CDH12: variants seen among roughly 807,000 people sequenced by gnomAD.
CDH12 encodes the protein cadherin-12.
CDH12 carries 41 observed loss-of-function variants against 74.1 expected under a neutral mutation model. The ratio of observed to expected loss-of-function variants is 0.55; its 90% CI spans 0.43 to 0.72. CDH12 has a LOEUF of 0.72. Ranked by LOEUF, CDH12 falls within the 30% of genes least tolerant of loss-of-function variation. The pLI is 0.00. For missense variants in CDH12, 945 were observed against 977.2 expected, an observed-to-expected ratio of 0.97 and a Z score of 0.44; for synonymous variants, 399 against 355.0, an observed-to-expected ratio of 1.12 and a Z score of -1.39.
chr5:22,188,954 G>C (rs768155663), intron 4 of CDH12, among the ~76,000 whole-genome samples: 7 of 152,150 alleles, frequency 4.6e-5, no homozygotes, highest in Admixed American at 3.3e-4. Context: ...GAACTAACAG[G>C]GTTTCTTATT....
chr5:22,471,712 C>T (rs1745966733), intron 2 of CDH12, among the ~76,000 whole-genome samples: 1 of 152,154 alleles, frequency 6.6e-6, no homozygotes, highest in South Asian at 2.1e-4. Context: ...GCTACCAGTT[C>T]TCAGTCTTTG....
chr5:22,323,993 A>T (rs1202145511), intron 3 of CDH12, among the ~76,000 whole-genome samples: 1 of 152,204 alleles, frequency 6.6e-6, no homozygotes, highest in Non-Finnish European at 1.5e-5. Context: ...TTAATAATTT[A>T]GCTCCATTGG....
chr5:22,027,828 G>C (rs1318012166), intron 5 of CDH12, among the ~76,000 whole-genome samples: 1 of 152,026 alleles, frequency 6.6e-6, no homozygotes, highest in Non-Finnish European at 1.5e-5. Context: ...GTTCTGCTCT[G>C]ATTTTAGTTA....
chr5:22,804,425 C>G (rs1048106732), intron 1 of CDH12, among the ~76,000 whole-genome samples: 22 of 151,900 alleles, frequency 1.4e-4, no homozygotes, highest in African/African-American at 4.1e-4. Context: ...ATGGAATTGG[C>G]TTATGTGAAT....
At chr5:22,084,715 C>T (rs1742955306) in intron 4 of CDH12, among the ~76,000 whole-genome samples, 1 of 152,054 alleles carries the variant, frequency 6.6e-6, no homozygotes, top group African/African-American at 2.4e-5. Flanking sequence ...CCAGCAGATC[C>T]CAGACTCTGG....
intron 13 of CDH12, among the ~76,000 whole-genome samples, chr5:21,759,735 G>A (rs1460791331): frequency 6.6e-6 from 1 of 151,722 alleles, no homozygotes; most frequent in South Asian, 2.1e-4. Flanking sequence ...GTGTTACATA[G>A]GTAAACACGT....
chr5:22,480,133 A>AT, intron 2 of CDH12, among the ~76,000 whole-genome samples: 1 of 152,318 alleles, frequency 6.6e-6, no homozygotes, highest in South Asian at 2.1e-4. Flanking sequence ...CATGGCAGAT[A>AT]TTAGACTTAA....
chr5:22,729,897 C>T (rs141817422), intron 1 of CDH12, among the ~76,000 whole-genome samples: 6 of 151,700 alleles, frequency 4.0e-5, no homozygotes, highest in African/African-American at 1.5e-4. Context: ...GTGACATTAC[C>T]TACCATATTG....
At chr5:21,902,690 G>A (rs778823716) in intron 6 of CDH12, among the ~76,000 whole-genome samples, 14 of 152,094 alleles carry the variant, frequency 9.2e-5, no homozygotes, top group Non-Finnish European at 1.5e-4. Flanking sequence ...ATAACCACAT[G>A]TGGCTATTTA....
chr5:21,759,316 A>G lies in CDH12; in HGVS notation c.1633+1242T>C, dbSNP rs187537407. Among the ~76,000 whole-genome samples the G allele has an allele frequency of 2.8e-4, 42 of 152,066 alleles. 1 individual carries two copies. The highest frequency in any genetic ancestry group is 2.1e-3 in the Admixed American group (32 of 15,252). ...AATGTGTAAAGACAAATTTTACACA[A>G]ATTTATTTTTAAAGAGTTTCATTCT... On this transcript the variant is annotated intron_variant, in intron 13 of 14. Coordinates refer to ENST00000382254, the MANE Select transcript of CDH12 (RefSeq NM_004061.5).
intron 1 of CDH12, among the ~76,000 whole-genome samples, chr5:22,628,879 A>G (rs1299106919): frequency 1.3e-5 from 2 of 151,976 alleles, no homozygotes; most frequent in Non-Finnish European, 2.9e-5. Flanking sequence ...AAGAGAGAAT[A>G]TCCAAATGAA....
At position 22,181,265 on chromosome 5, in the gene CDH12, C is replaced by CT. The variant is rs997340819; in HGVS notation, c.-187+31232dup. ...AACAAATCTAATAAACATTAGTAAG[C>CT]TTTTTTTTTGCATTCATATTCCTAG... On this transcript the variant is annotated intron_variant, in intron 4 of 14. Transcript: ENST00000382254. Among the ~76,000 whole-genome samples the CT allele has an allele frequency of 1.1e-4, 16 of 151,096 alleles. No homozygotes were observed. In the East Asian group the frequency reaches 1.2e-3, roughly 11 times the overall value.
chr5:21,809,531 G>T (rs1409996575), intron 9 of CDH12, among the ~76,000 whole-genome samples: 1 of 152,120 alleles, frequency 6.6e-6, no homozygotes, highest in East Asian at 1.9e-4. Flanking sequence ...ACAGCAAGCT[G>T]TGTGACTTTG....
chr5:22,716,654 T>C (rs547030033), intron 1 of CDH12, among the ~76,000 whole-genome samples: 1 of 151,614 alleles, frequency 6.6e-6, no homozygotes, highest in East Asian at 1.9e-4. Context: ...CTCAGGTCCT[T>C]CGGGAGGTAT....
In CDH12 at chr5:22,626,058, C is replaced by G. The variant is rs534690045; in HGVS notation, c.-522-120694G>C. Among the ~76,000 whole-genome samples the G allele has an allele frequency of 3.2e-4, 49 of 152,190 alleles. 1 individual carries two copies. The highest frequency in any genetic ancestry group is 2.0e-3 in the Admixed American group (31 of 15,282). On this transcript the variant is annotated intron_variant, in intron 1 of 14. Coordinates refer to ENST00000382254, the MANE Select transcript of CDH12 (RefSeq NM_004061.5). Reference sequence around the variant, plus strand: ...ATGTCACCACCACCAGCATGCTAACCCCATGGAGGCACAGGCAGCCAGCCA... The same window carrying G: ...ATGTCACCACCACCAGCATGCTAACGCCATGGAGGCACAGGCAGCCAGCCA...
At chr5:22,840,470 T>C (rs889896591) in intron 1 of CDH12, among the ~76,000 whole-genome samples, 3 of 151,554 alleles carry the variant, frequency 2.0e-5, no homozygotes, top group African/African-American at 7.3e-5. Context: ...TAAAATCACA[T>C]AAATAACTCT....
intron 1 of CDH12, among the ~76,000 whole-genome samples, chr5:22,835,268 G>A (rs1399750997): frequency 6.6e-6 from 1 of 151,694 alleles, no homozygotes; most frequent in African/African-American, 2.4e-5. Context: ...CTATCTTCTT[G>A]TTCTCGATTT....
chr5:22,597,875 TTA>T (rs1736678338), intron 1 of CDH12, among the ~76,000 whole-genome samples: 1 of 152,106 alleles, frequency 6.6e-6, no homozygotes, highest in Admixed American at 6.6e-5. Context: ...ATATAGAAAA[TTA>T]TATATGTCTT....
intron 3 of CDH12, among the ~76,000 whole-genome samples, chr5:22,382,704 T>C (rs941170743): frequency 6.6e-6 from 1 of 152,154 alleles, no homozygotes; most frequent in African/African-American, 2.4e-5. Flanking sequence ...GAAGCATCCC[T>C]TTATTTGTAA....
Sources: allele counts gnomAD v4.1 joint callset (sites outside exome capture counted in the v4.1 genomes callset), GRCh38; gene constraint gnomAD v4.1.1; transcripts MANE v1.5; gene names NCBI Gene and HGNC (gene_info 2026-07-23, HGNC 2026-07-21).